The following MIOS variants were observed in gnomAD, a reference collection of about 807,000 sequenced individuals.
MIOS encodes the protein GATOR2 complex protein MIOS.
In MIOS, 52 loss-of-function variants were observed where a neutral mutation model predicts 96.9. The ratio of observed to expected loss-of-function variants is 0.54; its 90% CI spans 0.43 to 0.68. The LOEUF is 0.68. Ranked by LOEUF, MIOS falls within the 30% of genes least tolerant of loss-of-function variation. The probability of loss-of-function intolerance (pLI) is 0.00; values close to 1 mark genes in which losing one functional copy is unlikely to be tolerated. For missense variants in MIOS, 1,005 were observed against 1,052.8 expected (o/e 0.95, Z 0.63); for synonymous variants, 397 against 359.5 (o/e 1.10, Z -1.18).
At chr7:7,602,344 T>C (rs1408730544) in intron 11 of MIOS, among the ~76,000 whole-genome samples, 1 of 152,138 alleles carries the variant, frequency 6.6e-6, no homozygotes, top group African/African-American at 2.4e-5. Flanking sequence ...CAGCCCAAAA[T>C]CTCCTTAAGC....
chr7:7,589,327 T>A, intron 8 of MIOS, 78 bp from the exon 9 acceptor site: 1 of 1,263,940 alleles, frequency 7.9e-7, no homozygotes, highest in Non-Finnish European at 1.1e-6. Context: ...AGGAATGAAA[T>A]TGTTCAAAAT....
rs147787623 is a variant in MIOS at position 7,592,562 on chromosome 7, A to G, written c.2044-2418A>G. The stretch of plus-strand genomic sequence containing the variant: ...TGAAATAATTCTACAACTCACCATA[A>G]TGTAGAATCAGTGGGAGCTCTGAGG... On this transcript the variant is annotated intron_variant, in intron 9 of 12. Transcript: ENST00000340080. Among the ~76,000 whole-genome samples, 588 of 152,128 alleles carry G rather than the reference A, an allele frequency of 3.9e-3. 7 individuals are homozygous for G. The highest frequency in any genetic ancestry group is 0.014 in the Middle Eastern group (4 of 294).
chr7:7,587,849 A>G (rs764708799), intron 7 of MIOS, among the ~76,000 whole-genome samples: 38 of 152,368 alleles, frequency 2.5e-4, no homozygotes, highest in African/African-American at 7.9e-4. Context: ...TACAAATTAC[A>G]AAATTAATTG....
At chr7:7,587,186 T>C (rs901059099) in intron 7 of MIOS, among the ~76,000 whole-genome samples, 5 of 152,034 alleles carry the variant, frequency 3.3e-5, no homozygotes, top group African/African-American at 1.2e-4. Flanking sequence ...ATTTTTGTAT[T>C]TTTAGTAGAG....
intron 6 of MIOS, among the ~76,000 whole-genome samples, chr7:7,584,354 A>G (rs909787212): frequency 5.3e-5 from 8 of 152,138 alleles, no homozygotes; most frequent in African/African-American, 1.7e-4. Flanking sequence ...ATAACTTGAA[A>G]GGGTGATACT....
chr7:7,573,266 C>CAT lies in MIOS; in HGVS notation c.791_792insAT (p.Glu265LeufsTer7). 1 of 1,614,060 alleles carries CAT rather than the reference C, an allele frequency of 6.2e-7. No homozygotes were observed. The highest frequency in any genetic ancestry group is 8.5e-7 in the Non-Finnish European group (1 of 1,179,968). On this transcript the variant is annotated frameshift_variant, in exon 4 of 13. Transcript: ENST00000340080. LOFTEE classifies it high-confidence loss of function. This position sits in a 1 kb window ranked among gnomAD's most constrained non-coding sequence, Gnocchi z 5.0. ...TTTGAGAAGCCAGTTTTGACATTGACTGAGCAACCAAAACCCTTAACAAAA... is the reference window on the plus strand; with the variant it reads ...TTTGAGAAGCCAGTTTTGACATTGACATTGAGCAACCAAAACCCTTAACAAAA...
chr7:7,596,469 A>T lies in MIOS; in HGVS notation c.2401+8A>T. The T allele has an allele frequency of 2.5e-6, 4 of 1,607,630 alleles. No homozygotes were observed. Among genetic ancestry groups the T allele is most frequent in the Non-Finnish European group, 2.6e-6 (3 of 1,174,700 alleles). On this transcript the variant is annotated splice_region_variant and intron_variant, in intron 11 of 12. Transcript: ENST00000340080. ...CAGTTTCTAGCTGTCCTGGTATGAC[A>T]TAATTTTACAAAATACTTTTATGAA...
rs368699248 is a variant in MIOS at position 7,588,566 on chromosome 7, G to A, written c.1884+3G>A. 6.4e-7 allele frequency: 1 copy of A among 1,567,286 alleles called. No homozygotes were observed. ...GTAAATTCCTTAGTGATACTCAGGT[G>A]AAAACTGATTTAATTCCACATTTGA... is the stretch of plus-strand genomic sequence containing the variant. On this transcript the variant is annotated splice_donor_region_variant and intron_variant, in intron 8 of 12. Transcript: ENST00000340080.
intron 7 of MIOS, among the ~76,000 whole-genome samples, chr7:7,587,706 A>C (rs904860120): frequency 1.3e-5 from 2 of 152,058 alleles, no homozygotes; most frequent in African/African-American, 4.8e-5. Context: ...TTAGGGCAAA[A>C]CCATATTTTA....
chr7:7,594,964 C>T lies in MIOS; in HGVS notation c.2044-16C>T. 6.4e-7 allele frequency: 1 copy of T among 1,567,698 alleles called. No individual in the cohort carries two copies. The highest frequency in any genetic ancestry group is 1.4e-5 in the African/African-American group (1 of 72,440). On this transcript the variant is annotated splice_polypyrimidine_tract_variant and intron_variant, in intron 9 of 12. Transcript: ENST00000340080. Reference sequence around the variant, plus strand: ...GAGATTTTAAACAATTGAAATAATTCATGTTTTCGTTTTAGGGTTCACCTT... The same window carrying T: ...GAGATTTTAAACAATTGAAATAATTTATGTTTTCGTTTTAGGGTTCACCTT...
In MIOS at chr7:7,608,543, G is replaced by C. The variant is rs1332823623; in HGVS notation, c.*1451G>C. The stretch of plus-strand genomic sequence containing the variant: ...CACCTGCATGACAGTCTTTTCAAAT[G>C]AAAGACATGGTAATTGCAATTTTTT... On this transcript the variant is annotated 3_prime_UTR_variant, in exon 13 of 13. Coordinates refer to ENST00000340080, the MANE Select transcript of MIOS (RefSeq NM_019005.4). The C allele has an allele frequency of 6.6e-6, 1 of 151,980 alleles. No homozygotes were observed. The highest frequency in any genetic ancestry group is 1.9e-4 in the East Asian group (1 of 5,196). The allele number at this position is 151,980 out of a possible 1,614,324, so 9.4% of individuals were successfully genotyped here. A position where few individuals can be genotyped will look rare whatever the true frequency, so the allele number is the denominator to read the frequency against.
At chr7:7,590,954 T>C (rs1784031218) in intron 9 of MIOS, among the ~76,000 whole-genome samples, 1 of 152,236 alleles carries the variant, frequency 6.6e-6, no homozygotes, top group South Asian at 2.1e-4. Flanking sequence ...CCTATTGTCA[T>C]ATATTTTACT....
Position 7,607,675 on chromosome 7 carries a change from T to A in MIOS, c.*583T>A, listed in dbSNP as rs921819480. ...ATATTTATGTGTGTATGTATAAATA[T>A]GTATTTTTTAAAGGAGCCTTTTCCC... is the stretch of plus-strand genomic sequence containing the variant. On this transcript the variant is annotated 3_prime_UTR_variant, in exon 13 of 13. Transcript: ENST00000340080. The A allele has an allele frequency of 1.3e-5, 2 of 152,162 alleles. No individual in the cohort carries two copies. Among genetic ancestry groups the A allele is most frequent in the African/African-American group, 4.8e-5 (2 of 41,446 alleles). The allele number at this position is 152,162 out of a possible 1,614,324, so 9.4% of individuals were successfully genotyped here. A position where few individuals can be genotyped will look rare whatever the true frequency, so the allele number is the denominator to read the frequency against.
intron 11 of MIOS, among the ~76,000 whole-genome samples, chr7:7,604,490 G>C (rs1478730800): frequency 6.6e-6 from 1 of 152,046 alleles, no homozygotes; most frequent in East Asian, 1.9e-4. Flanking sequence ...CCAAGTGCTA[G>C]AAATGTTACA....
intron 11 of MIOS, among the ~76,000 whole-genome samples, chr7:7,597,517 T>TTTAAAA (rs372634070): frequency 1.4e-5 from 1 of 70,428 alleles, no homozygotes; most frequent in Non-Finnish European, 2.7e-5. Flanking sequence ...TATATATATA[T>TTTAAAA]GAAGGCAATA....
Position 7,572,515 on chromosome 7 carries a change from C to CTG in MIOS, c.40_41insTG (p.His14LeufsTer13). On this transcript the variant is annotated frameshift_variant, in exon 4 of 13. Coordinates refer to ENST00000340080, the MANE Select transcript of MIOS (RefSeq NM_019005.4). LOFTEE classifies it high-confidence loss of function. This position sits in a 1 kb window ranked among gnomAD's most constrained non-coding sequence, Gnocchi z 4.8. ...ACCTGATATTTTATGGGCACCACAC[C>CTG]ATGTTGATAGATTTGTTGTGTGTGA... 4 of 1,613,898 alleles carry CTG rather than the reference C, an allele frequency of 2.5e-6. No individual in the cohort carries two copies. Among genetic ancestry groups the CTG allele is most frequent in the Non-Finnish European group, 3.4e-6 (4 of 1,179,870 alleles).
chr7:7,602,276 G>A (rs1047337781), intron 11 of MIOS, among the ~76,000 whole-genome samples: 1 of 152,208 alleles, frequency 6.6e-6, no homozygotes, highest in South Asian at 2.1e-4. Flanking sequence ...AAAAGAGGAA[G>A]TCAAATTGTC....
intron 9 of MIOS, among the ~76,000 whole-genome samples, chr7:7,592,827 C>T (rs1784087994): frequency 6.6e-6 from 1 of 152,186 alleles, no homozygotes; most frequent in Non-Finnish European, 1.5e-5. Flanking sequence ...GCTTATTGCC[C>T]TGTCACTCAC....
At chr7:7,576,463 G>A (rs145958677) in intron 5 of MIOS, among the ~76,000 whole-genome samples, 4 of 152,314 alleles carry the variant, frequency 2.6e-5, no homozygotes, top group African/African-American at 9.6e-5. Context: ...AGGGATTAGA[G>A]GTTTCTCAGA....
Sources: allele counts gnomAD v4.1 joint callset (sites outside exome capture counted in the v4.1 genomes callset), GRCh38; gene constraint gnomAD v4.1.1; non-coding constraint Gnocchi (gnomAD v3.1); transcripts MANE v1.5; gene names NCBI Gene and HGNC (gene_info 2026-07-23, HGNC 2026-07-21).